GRIN2A: variants seen among roughly 807,000 people sequenced by gnomAD.
GRIN2A encodes glutamate ionotropic receptor NMDA type subunit 2A.
In GRIN2A, 22 loss-of-function variants were observed where a neutral mutation model predicts 113.4. The observed-to-expected ratio is 0.19, with a 90% CI of 0.14 to 0.28. GRIN2A has a LOEUF of 0.28. GRIN2A is among the 10% of genes least tolerant of loss of function. The pLI is 1.00. For missense variants in GRIN2A, 1,502 were observed against 1,887.0 expected (o/e 0.80, Z 3.78); for synonymous variants, 827 against 738.4 (o/e 1.12, Z -1.94).
intron 11 of GRIN2A, among the ~76,000 whole-genome samples, chr16:9,773,421 C>A (rs1901403314): frequency 6.6e-6 from 1 of 152,194 alleles, no homozygotes; most frequent in Non-Finnish European, 1.5e-5. Context: ...CTGCCAGTTT[C>A]TCCTATTAAA....
At chr16:9,847,671 TA>T (rs1287630735) in intron 5 of GRIN2A, among the ~76,000 whole-genome samples, 1 of 148,060 alleles carries the variant, frequency 6.8e-6, no homozygotes, top group East Asian at 2.0e-4. Flanking sequence ...TTTTAACACA[TA>T]AAAATATATG....
At chr16:10,126,674 T>G (rs902324760) in intron 2 of GRIN2A, among the ~76,000 whole-genome samples, 3 of 152,230 alleles carry the variant, frequency 2.0e-5, no homozygotes, top group Non-Finnish European at 2.9e-5. Flanking sequence ...CACCAACGTT[T>G]TTCCCTACCA....
intron 2 of GRIN2A, among the ~76,000 whole-genome samples, chr16:10,045,547 G>C (rs2047243622): frequency 6.6e-6 from 1 of 152,288 alleles, no homozygotes; most frequent in South Asian, 2.1e-4. Context: ...TCTTCTGCCA[G>C]AGGTGACAAC....
At chr16:9,925,336 C>T (rs1398139440) in intron 3 of GRIN2A, among the ~76,000 whole-genome samples, 1 of 152,204 alleles carries the variant, frequency 6.6e-6, no homozygotes, top group Non-Finnish European at 1.5e-5. Flanking sequence ...CCTCACTCCA[C>T]GTGAGTCCTG....
At chr16:9,976,456 C>T (rs893402502) in intron 2 of GRIN2A, among the ~76,000 whole-genome samples, 2 of 152,140 alleles carry the variant, frequency 1.3e-5, no homozygotes, top group African/African-American at 4.8e-5. Context: ...CTTTGTTGAA[C>T]GTTCCTTCCT....
chr16:9,878,879 GCA>G (rs1567366777), intron 4 of GRIN2A, among the ~76,000 whole-genome samples: 1 of 147,164 alleles, frequency 6.8e-6, no homozygotes, highest in Non-Finnish European at 1.5e-5. Context: ...ACACACACAC[GCA>G]CACACAGTTG....
intron 2 of GRIN2A, among the ~76,000 whole-genome samples, chr16:10,163,591 G>A (rs1338932470): frequency 6.6e-6 from 1 of 152,050 alleles, no homozygotes; most frequent in African/African-American, 2.4e-5. Flanking sequence ...ACATCTTCCA[G>A]GAACCCCAAG....
intron 2 of GRIN2A, among the ~76,000 whole-genome samples, chr16:10,169,479 A>T (rs1029013431): frequency 1.3e-5 from 2 of 152,212 alleles, no homozygotes; most frequent in Admixed American, 6.5e-5. Flanking sequence ...TGTAAGAGGA[A>T]GTCTACTCCA....
At chr16:9,909,995 G>A (rs1352363327) in intron 3 of GRIN2A, among the ~76,000 whole-genome samples, 3 of 152,104 alleles carry the variant, frequency 2.0e-5, no homozygotes, top group East Asian at 1.9e-4. Flanking sequence ...CCTCTTTCAC[G>A]TAGCCTAATG....
At chr16:9,859,958 G>A (rs1203337305) in intron 4 of GRIN2A, among the ~76,000 whole-genome samples, 5 of 151,620 alleles carry the variant, frequency 3.3e-5, no homozygotes, top group Non-Finnish European at 7.4e-5. Context: ...TGGAAGCCCT[G>A]GGGCTACGGT....
At chr16:9,904,583 G>A (rs113095322) in intron 3 of GRIN2A, among the ~76,000 whole-genome samples, 615 of 152,216 alleles carry the variant, frequency 4.0e-3, no homozygotes, top group African/African-American at 0.012. Context: ...ATGTGGGCCA[G>A]GCTGCTCTCA....
chr16:9,803,926 T>C (rs1313843712), intron 10 of GRIN2A, among the ~76,000 whole-genome samples: 1 of 152,182 alleles, frequency 6.6e-6, no homozygotes, highest in African/African-American at 2.4e-5. Flanking sequence ...ATAAGCCAAA[T>C]GTTTTGACAG....
chr16:10,109,026 A>C (rs367622740), intron 2 of GRIN2A, among the ~76,000 whole-genome samples: 18,516 of 149,542 alleles, frequency 0.12, 1,580 homozygotes, highest in Admixed American at 0.24. Flanking sequence ...AAAAAAAAAA[A>C]AAAAAAAAAC....
intron 2 of GRIN2A, among the ~76,000 whole-genome samples, chr16:9,968,054 C>A (rs553169708): frequency 6.6e-6 from 1 of 152,290 alleles, no homozygotes; most frequent in African/African-American, 2.4e-5. Context: ...AACCTCCAGA[C>A]AACCCAGTGG....
chr16:9,874,938 A>T (rs922149735), intron 4 of GRIN2A, among the ~76,000 whole-genome samples: 8 of 151,820 alleles, frequency 5.3e-5, no homozygotes, highest in African/African-American at 9.7e-5. Flanking sequence ...ATACAAAAAA[A>T]TTAGGCAGGT....
At chr16:9,975,562 T>A (rs2045759146) in intron 2 of GRIN2A, among the ~76,000 whole-genome samples, 1 of 152,214 alleles carries the variant, frequency 6.6e-6, no homozygotes. Context: ...CTCTTCGGTT[T>A]GTGAATCATT....
chr16:9,899,839 T>C (rs1204304432), intron 3 of GRIN2A, among the ~76,000 whole-genome samples: 2 of 152,214 alleles, frequency 1.3e-5, no homozygotes. Context: ...TCCTGCACAC[T>C]AAATATTTGA....
rs144861998 is a variant in GRIN2A, at chr16:9,972,387, A to G, written c.415-33836T>C. On this transcript the variant is annotated intron_variant, in intron 2 of 12. Coordinates refer to ENST00000330684, the MANE Select transcript of GRIN2A (RefSeq NM_001134407.3). ...AATCTGACCCATTCTCAAGCAAAAA[A>G]GACTTACTTTACATATAAGAAATAG... is the stretch of plus-strand genomic sequence containing the variant. Among the ~76,000 whole-genome samples, 591 of 152,286 alleles carry G rather than the reference A, an allele frequency of 3.9e-3. 5 individuals are homozygous for G. Among genetic ancestry groups the G allele is most frequent in the African/African-American group, 0.013 (544 of 41,556 alleles).
intron 8 of GRIN2A, among the ~76,000 whole-genome samples, chr16:9,832,946 G>A (rs1031287962): frequency 6.6e-6 from 1 of 152,198 alleles, no homozygotes; most frequent in Admixed American, 6.5e-5. Context: ...GACCTGTTGA[G>A]TATTTCCAAT....
Sources: gnomAD v4.1 joint callset for allele counts (sites outside exome capture counted in the v4.1 genomes callset) on GRCh38, gnomAD v4.1.1 for gene constraint, MANE v1.5 for transcripts, NCBI Gene and HGNC (gene_info 2026-07-23, HGNC 2026-07-21) for gene names.